Variants in CHMP1A observed in about 807,000 individuals in gnomAD.
The protein encoded by CHMP1A is VPS46 homolog A.
A neutral mutation model predicts 27.0 loss-of-function variants in CHMP1A; 17 were observed. The observed-to-expected ratio is 0.63, with a 90% confidence interval of 0.43 to 0.95. The LOEUF (loss-of-function observed/expected upper bound fraction) is 0.95. Ranked by LOEUF, CHMP1A falls within the 40% of genes least tolerant of loss-of-function variation. The pLI is 0.00. For missense variants in CHMP1A, 275 were observed against 264.0 expected (o/e 1.04, Z -0.29); for synonymous variants, 131 against 107.5 (o/e 1.22, Z -1.35).
chr16:89,653,169 C>T (rs994020454), intron 2 of CHMP1A, among the ~76,000 whole-genome samples: 3 of 151,042 alleles, frequency 2.0e-5, no homozygotes, highest in South Asian at 4.2e-4. Context: ...AGGTGCCTGC[C>T]ACCGCGCCCG....
At chr16:89,657,364 G>A (rs1026990861) in intron 1 of CHMP1A, among the ~76,000 whole-genome samples, 52 of 150,448 alleles carry the variant, frequency 3.5e-4, no homozygotes, top group Non-Finnish European at 6.5e-4. Flanking sequence ...CGAGGCCCTG[G>A]GGATGGGGTC....
chr16:89,652,041 C>T (rs73262930), intron 2 of CHMP1A, among the ~76,000 whole-genome samples: 2,039 of 152,360 alleles, frequency 0.013, 40 homozygotes, highest in African/African-American at 0.047. Flanking sequence ...TTTCAGGCTA[C>T]CCCCAAGTCA....
intron 3 of CHMP1A, among the ~76,000 whole-genome samples, chr16:89,650,346 G>T (rs1000100089): frequency 2.0e-5 from 3 of 151,972 alleles, no homozygotes; most frequent in Non-Finnish European, 1.5e-5. Context: ...GCCCGGCCTA[G>T]ATCCCTCCTC....
At chr16:89,654,996 T>G (rs2059853477) in intron 1 of CHMP1A, among the ~76,000 whole-genome samples, 1 of 152,088 alleles carries the variant, frequency 6.6e-6, no homozygotes, top group Non-Finnish European at 1.5e-5. Context: ...TCTCAATTCA[T>G]TCAACTGCTA....
rs2059784119 is a variant in CHMP1A, at chr16:89,647,430, A to AC, written c.253-100dup. The AC allele has an allele frequency of 1.1e-5, 13 of 1,189,696 alleles. No individual in the cohort carries two copies. In the South Asian group the frequency reaches 1.9e-4, roughly 18 times the overall value. The allele number at this position is 1,189,696 out of a possible 1,614,324, so 73.7% of individuals were successfully genotyped here. A position where few individuals can be genotyped will look rare whatever the true frequency, so the allele number is the denominator to read the frequency against. ...TGGACTCTGACAGGAGAGCTGGGGC[A>AC]CCCCAACCCTGACCCACAAAACCCC... is the stretch of plus-strand genomic sequence containing the variant. On this transcript the variant is annotated intron_variant, in intron 4 of 6. Transcript: ENST00000397901.
Position 89,649,337 on chromosome 16 carries a change from G to A in CHMP1A, c.252+14C>T, listed in dbSNP as rs1457599719. 1.2e-6 allele frequency: 2 copies of A among 1,605,658 alleles called. No individual in the cohort carries two copies. The highest frequency in any genetic ancestry group is 1.7e-5 in the Admixed American group (1 of 59,672). The stretch of plus-strand genomic sequence containing the variant: ...GCGAACGCCACCCATCCAGCACCAG[G>A]GCCCAGCACTCACCCCCTTCATAGT... On this transcript the variant is annotated intron_variant, in intron 4 of 6. Coordinates refer to ENST00000397901, the MANE Select transcript of CHMP1A (RefSeq NM_002768.5).
intron 3 of CHMP1A, among the ~76,000 whole-genome samples, chr16:89,650,908 A>G (rs978307196): frequency 2.6e-5 from 4 of 152,204 alleles, no homozygotes; most frequent in African/African-American, 9.6e-5. Context: ...AAGGAAAACA[A>G]TGAAGGCAAT....
chr16:89,648,725 C>T (rs551363807), intron 4 of CHMP1A, among the ~76,000 whole-genome samples: 1 of 124,562 alleles, frequency 8.0e-6, no homozygotes, highest in Non-Finnish European at 1.7e-5. Flanking sequence ...CCTGTCTCTA[C>T]ATAAAAATGA....
Position 89,650,627 on chromosome 16 carries a change from G to A in CHMP1A, c.105+942C>T, listed in dbSNP as rs150281343. Among the ~76,000 whole-genome samples, 217 of 152,242 alleles carry A rather than the reference G, an allele frequency of 1.4e-3. 2 individuals carry two copies. The East Asian group carries it at 0.024, about 17-fold the overall frequency. ...TTGACACCAGCCTGGCCAACACGGCGAAACCCCATCTCTACTAAAAATACA... is the reference window on the plus strand; with the variant it reads ...TTGACACCAGCCTGGCCAACACGGCAAAACCCCATCTCTACTAAAAATACA... On this transcript the variant is annotated intron_variant, in intron 3 of 6. Transcript: ENST00000397901.
chr16:89,654,533 G>C (rs1362855239), intron 1 of CHMP1A, among the ~76,000 whole-genome samples: 2 of 150,570 alleles, frequency 1.3e-5, no homozygotes, highest in African/African-American at 5.0e-5. Context: ...CAGCGGTACA[G>C]TCGCTCACGC....
chr16:89,656,021 C>T (rs969898003), intron 1 of CHMP1A, among the ~76,000 whole-genome samples: 3 of 152,046 alleles, frequency 2.0e-5, no homozygotes, highest in African/African-American at 4.8e-5. Flanking sequence ...GCCTGGCCAG[C>T]ATATTTTTTG....
Position 89,647,349 on chromosome 16 carries a change from G to A in CHMP1A, c.253-18C>T, listed in dbSNP as rs556404643. The A allele has an allele frequency of 2.8e-4, 450 of 1,600,270 alleles. 3 individuals are homozygous for A. The South Asian group carries it at 4.1e-3, about 15-fold the overall frequency. ...TTGGTCACCTGAGACAGGAGAGAGC[G>A]CAGGAGGGAACAGGATGAAAGGCAA... On this transcript the variant is annotated intron_variant, in intron 4 of 6. Coordinates refer to ENST00000397901, the MANE Select transcript of CHMP1A (RefSeq NM_002768.5).
At chr16:89,647,031 C>T (rs1285137478) in intron 5 of CHMP1A, 172 bp downstream of exon 5, 1 of 1,522,150 alleles carries the variant, frequency 6.6e-7, no homozygotes, top group East Asian at 2.5e-5. Flanking sequence ...CCTGCCCACC[C>T]TACCTGTCAG....
At chr16:89,651,964 T>C (rs2059827876) in intron 2 of CHMP1A, among the ~76,000 whole-genome samples, 1 of 152,186 alleles carries the variant, frequency 6.6e-6, no homozygotes, top group African/African-American at 2.4e-5. Context: ...CAAAAACCTC[T>C]CACTCTGATC....
chr16:89,651,624 T>C lies in CHMP1A; in HGVS notation c.50A>G (p.Lys17Arg). The C allele has an allele frequency of 6.2e-7, 1 of 1,613,738 alleles. No homozygotes were observed. The highest frequency in any genetic ancestry group is 8.5e-7 in the Non-Finnish European group (1 of 1,179,836). The part of the protein sequence containing the change: ...QLKFTAKQLE[K>R]LAKKAEKDSK... ...GTCCTTCTCCGCCTTCTTGGCCAGC[T>C]TCTCCAGCTGCTTCGCCGTGAACTG... The change falls in exon 3 of 7, where the codon AAG becomes AGG. Residue 17 changes from lysine to arginine, a missense_variant. Physicochemically the swap from Lys to Arg is conservative, Grantham distance 26 (BLOSUM62 2). Transcript: ENST00000397901.
At chr16:89,652,133 A>C (rs1363767780) in intron 2 of CHMP1A, among the ~76,000 whole-genome samples, 1 of 152,250 alleles carries the variant, frequency 6.6e-6, no homozygotes, top group African/African-American at 2.4e-5. Context: ...GCTGGGCAGC[A>C]CAAGCAGCTT....
At chr16:89,649,678 C>T (rs1025617386) in intron 3 of CHMP1A, 181 bp from the exon 4 acceptor site, 2 of 657,168 alleles carry the variant, frequency 3.0e-6, no homozygotes, top group South Asian at 2.0e-5. Flanking sequence ...CAGGTTCATG[C>T]CATTCTCCTG....
chr16:89,652,294 C>T (rs1024183449), intron 2 of CHMP1A, among the ~76,000 whole-genome samples: 1 of 151,424 alleles, frequency 6.6e-6, no homozygotes, highest in Non-Finnish European at 1.5e-5. Flanking sequence ...AACAGGGCCT[C>T]TGGCAACCCA....
chr16:89,648,484 C>T (rs989392189), intron 4 of CHMP1A, among the ~76,000 whole-genome samples: 2 of 152,174 alleles, frequency 1.3e-5, no homozygotes, highest in African/African-American at 2.4e-5. Context: ...CCCACCTGCA[C>T]TGTGTGAAGG....
Sources: gnomAD v4.1 joint callset for allele counts (sites outside exome capture counted in the v4.1 genomes callset) on GRCh38, gnomAD v4.1.1 for gene constraint, MANE v1.5 for transcripts, NCBI Gene and HGNC (gene_info 2026-07-23, HGNC 2026-07-21) for gene names.